TSLP: variants seen among roughly 807,000 people sequenced by gnomAD.
TSLP encodes thymic stroma-derived lymphopoietin.
In TSLP, 12 loss-of-function variants were observed where a neutral mutation model predicts 12.4. That is an observed-to-expected ratio of 0.97 (90% CI 0.62 to 1.57). The LOEUF is 1.57. Among genes scored for constraint, TSLP ranks in the 40% most tolerant of loss-of-function variants. The pLI, the probability that TSLP is intolerant of heterozygous loss-of-function variation, is 0.00. For missense variants in TSLP, 222 were observed against 189.6 expected, an observed-to-expected ratio of 1.17 and a Z score of -1.00; for synonymous variants, 97 against 69.5, an observed-to-expected ratio of 1.40 and a Z score of -1.97.
upstream of TSLP, chr5:111,071,286 A>G: frequency 1.6e-6 from 1 of 614,260 alleles, no homozygotes; most frequent in Non-Finnish European, 2.6e-6. Flanking sequence ...GCCAAGGAGA[A>G]GGGAAAGCAC....
chr5:111,073,208 C>G (rs1752391895), intron 2 of TSLP: 1 of 1,178,300 alleles, frequency 8.5e-7, no homozygotes, highest in Non-Finnish European at 1.1e-6. Flanking sequence ...CTGCTGGGGT[C>G]CGGCGCCTCC....
chr5:111,073,741 G>C (rs1752411875), intron 3 of TSLP, 96 bp downstream of exon 3: 2 of 1,405,058 alleles, frequency 1.4e-6, no homozygotes. Flanking sequence ...TTTTTATTTA[G>C]GTTTTATCTT....
Position 111,076,131 on chromosome 5 carries a change from A to G in TSLP, c.*57A>G, listed in dbSNP as rs1752500321. ...CCAAAATAAATCATCTTTATTAAGT[A>G]GATGAAACATTAACTCTAACTGTGA... is the stretch of plus-strand genomic sequence containing the variant. On this transcript the variant is annotated 3_prime_UTR_variant, in exon 4 of 4. Transcript: ENST00000344895. The G allele has an allele frequency of 6.3e-7, 1 of 1,575,100 alleles. No individual in the cohort carries two copies. The highest frequency in any genetic ancestry group is 8.7e-7 in the Non-Finnish European group (1 of 1,150,314).
upstream of TSLP, chr5:111,070,658 T>C (rs2112540200): frequency 6.6e-6 from 1 of 152,468 alleles, no homozygotes; most frequent in Non-Finnish European, 1.5e-5. Context: ...GCTGTGCTTT[T>C]AAGCGCTCTT....
chr5:111,071,959 AG>A lies in TSLP; in HGVS notation c.72del (p.Leu25TrpfsTer3). 6.2e-7 allele frequency: 1 copy of A among 1,614,222 alleles called. No homozygotes were observed. On this transcript the variant is annotated frameshift_variant, in exon 1 of 4. Coordinates refer to ENST00000344895, the MANE Select transcript of TSLP (RefSeq NM_033035.5). LOFTEE classifies it high-confidence loss of function. The stretch of plus-strand genomic sequence containing the variant: ...GGAAAATCTTCATCTTACAACTTGT[AG>A]GGCTGGTGTTAACTTACGACTTCAC... ...FRKIFILQLV[G>X]LVLTYDFTNC...
upstream of TSLP, chr5:111,070,959 TG>T (rs1752326249): frequency 6.5e-6 from 1 of 152,702 alleles, no homozygotes; most frequent in Non-Finnish European, 1.5e-5. Context: ...TGAAGGTGGC[TG>T]GGCGCTGGAA....
intron 1 of TSLP, 65 bp downstream of exon 1, chr5:111,072,126 T>C (rs553625931): frequency 4.6e-5 from 61 of 1,339,666 alleles, no homozygotes; most frequent in Admixed American, 6.5e-5. Context: ...ACACACACTC[T>C]ACAATTTAAC....
upstream of TSLP, chr5:111,071,703 G>C (rs965270845): frequency 1.1e-5 from 13 of 1,220,440 alleles, no homozygotes; most frequent in Non-Finnish European, 1.5e-5. Context: ...CAGCCAGAAA[G>C]CTCTGGAGCA....
intron 2 of TSLP, 22 bp downstream of exon 2, chr5:111,072,954 G>A (rs768108332): frequency 5.6e-6 from 9 of 1,613,768 alleles, no homozygotes; most frequent in Non-Finnish European, 7.6e-6. Flanking sequence ...GTTCAGTGCT[G>A]CTGGCTTTCT....
At chr5:111,074,957 G>A (rs1259243588) in intron 3 of TSLP, among the ~76,000 whole-genome samples, 2 of 152,122 alleles carry the variant, frequency 1.3e-5, no homozygotes, top group African/African-American at 2.4e-5. Flanking sequence ...TGAAGCCATA[G>A]CGCTGATCTG....
chr5:111,076,523 T>A lies in TSLP; in HGVS notation c.*449T>A, dbSNP rs1752511533. ...GAAGAAAGTGAAAGCAAATGGGGTT[T>A]CACAAATAGTTGTAAATATAGTGAA... On this transcript the variant is annotated 3_prime_UTR_variant, in exon 4 of 4. Coordinates refer to ENST00000344895, the MANE Select transcript of TSLP (RefSeq NM_033035.5). 6.2e-6 allele frequency: 1 copy of A among 160,032 alleles called. No homozygotes were observed. Among genetic ancestry groups the A allele is most frequent in the African/African-American group, 2.4e-5 (1 of 41,514 alleles). The allele number at this position is 160,032 out of a possible 1,614,324, so 9.9% of individuals were successfully genotyped here.
At chr5:111,073,034 C>T in intron 2 of TSLP, 102 bp downstream of exon 2, 1 of 1,405,382 alleles carries the variant, frequency 7.1e-7, no homozygotes, top group Non-Finnish European at 9.9e-7. Context: ...GGTGCCTGGG[C>T]TCCGGGACGC....
At chr5:111,071,194 C>G (rs920741073), upstream of TSLP, 3 of 367,502 alleles carry the variant, frequency 8.2e-6, no homozygotes, top group Non-Finnish European at 1.5e-5. Flanking sequence ...ACATTTAATG[C>G]TTTCACATGG....
chr5:111,075,907 T>C (rs749079513), intron 3 of TSLP, 39 bp from the exon 4 acceptor site: 2 of 1,603,124 alleles, frequency 1.2e-6, no homozygotes, highest in South Asian at 2.2e-5. Context: ...CTAAAGATAG[T>C]GAAAAGTAAT....
intron 1 of TSLP, among the ~76,000 whole-genome samples, chr5:111,072,572 A>G (rs2112542529): frequency 6.6e-6 from 1 of 152,276 alleles, no homozygotes. Flanking sequence ...GCATTCATGA[A>G]TGGCCACAGT....
chr5:111,076,049 A>C lies in TSLP; in HGVS notation c.455A>C (p.Asn152Thr). ...TTACAAGGATTGTGGCGTCGCTTCA[A>C]TCGACCTTTACTGAAACAACAGTAA... Reference protein sequence around the residue: ...SQLQGLWRRFNRPLLKQQ With the variant: ...SQLQGLWRRFTRPLLKQQ The change falls in exon 4 of 4, where the codon AAT becomes ACT. Residue 152 changes from asparagine (N) to threonine (T), a missense_variant. By Grantham distance (65) the Asn-to-Thr change is moderately conservative (BLOSUM62 0). Transcript: ENST00000344895. 1 of 1,614,136 alleles carries C rather than the reference A, an allele frequency of 6.2e-7. No homozygotes were observed. Among genetic ancestry groups the C allele is most frequent in the East Asian group, 2.2e-5 (1 of 44,866 alleles).
In TSLP at chr5:111,076,553, T is replaced by G. The variant is rs1752511964; in HGVS notation, c.*479T>G. 1 of 156,054 alleles carries G rather than the reference T, an allele frequency of 6.4e-6. No homozygotes were observed. Among genetic ancestry groups the G allele is most frequent in the Non-Finnish European group, 1.4e-5 (1 of 70,876 alleles). The allele number at this position is 156,054 out of a possible 1,614,324, so 9.7% of individuals were successfully genotyped here. On this transcript the variant is annotated 3_prime_UTR_variant, in exon 4 of 4. Transcript: ENST00000344895. Reference sequence around the variant, plus strand: ...AATAGTTGTAAATATAGTGAAGCAATTTGAAATAATTTTCAAGCAAAGTAT... The same window carrying G: ...AATAGTTGTAAATATAGTGAAGCAAGTTGAAATAATTTTCAAGCAAAGTAT...
At chr5:111,072,421 G>T (rs1233373346) in intron 1 of TSLP, among the ~76,000 whole-genome samples, 1 of 152,186 alleles carries the variant, frequency 6.6e-6, no homozygotes, top group Non-Finnish European at 1.5e-5. Context: ...AAACTCTAAG[G>T]ATTGATGCTG....
At chr5:111,075,850 A>C (rs572018138) in intron 3 of TSLP, 96 bp from the exon 4 acceptor site, 1 of 1,294,564 alleles carries the variant, frequency 7.7e-7, no homozygotes, top group Admixed American at 2.2e-5. Flanking sequence ...ACACACTGAA[A>C]GATGGATTTG....
Sources: allele counts gnomAD v4.1 joint callset (sites outside exome capture counted in the v4.1 genomes callset), GRCh38; gene constraint gnomAD v4.1.1; transcripts MANE v1.5; gene names NCBI Gene and HGNC (gene_info 2026-07-23, HGNC 2026-07-21).